SPAG16: variants seen among roughly 807,000 people sequenced by gnomAD.
SPAG16 encodes sperm-associated antigen 16 protein.
Under a neutral mutation model 80.4 loss-of-function variants are expected in SPAG16, and 86 were observed. The ratio of observed to expected loss-of-function variants is 1.07; its 90% CI spans 0.90 to 1.28. The LOEUF (loss-of-function observed/expected upper bound fraction) is 1.28, where lower values mean the gene tolerates loss of function less well. Among genes scored for constraint, SPAG16 ranks in the 50% most tolerant of loss-of-function variants. SPAG16 has a pLI of 0.00. For synonymous variants in SPAG16, 294 were observed against 265.9 expected (o/e 1.11, Z -1.03); for missense variants, 870 against 765.3 (o/e 1.14, Z -1.61).
At chr2:213,764,618 G>C (rs1395529950) in intron 10 of SPAG16, among the ~76,000 whole-genome samples, 5 of 151,888 alleles carry the variant, frequency 3.3e-5, no homozygotes, top group Admixed American at 1.3e-4. Flanking sequence ...TTTCTGGCTG[G>C]CTTTTCTCCG....
intron 10 of SPAG16, among the ~76,000 whole-genome samples, chr2:213,601,305 TGGAAGAGATGGAGG>T: frequency 6.6e-6 from 1 of 152,296 alleles, no homozygotes; most frequent in East Asian, 1.9e-4. Context: ...TCCAGTGTTT[TGGAAGAGATGGAGG>T]GGAGAGAGAC....
intron 12 of SPAG16, among the ~76,000 whole-genome samples, chr2:213,941,762 C>T (rs2079207449): frequency 6.6e-6 from 1 of 152,102 alleles, no homozygotes; most frequent in Admixed American, 6.6e-5. Context: ...TATTCATATA[C>T]TGGCCTCTTC....
chr2:213,982,921 A>T (rs1039299502), intron 12 of SPAG16, among the ~76,000 whole-genome samples: 1 of 152,024 alleles, frequency 6.6e-6, no homozygotes, highest in Non-Finnish European at 1.5e-5. Flanking sequence ...ATTTTAATAA[A>T]TGTTACAATT....
At chr2:213,652,243 T>C (rs557486309) in intron 10 of SPAG16, among the ~76,000 whole-genome samples, 1 of 152,288 alleles carries the variant, frequency 6.6e-6, no homozygotes, top group East Asian at 1.9e-4. Context: ...ATAGTGCTTG[T>C]CTCATTATGT....
intron 15 of SPAG16, among the ~76,000 whole-genome samples, chr2:214,191,326 C>T (rs1024511308): frequency 6.6e-6 from 1 of 152,070 alleles, no homozygotes; most frequent in Non-Finnish European, 1.5e-5. Flanking sequence ...ATTGCCCCTT[C>T]GTTGGTATAC....
Position 213,869,418 on chromosome 2 carries a change from A to G in SPAG16, c.1214+6790A>G, listed in dbSNP as rs189544479. 7.5e-3 allele frequency among the ~76,000 whole-genome samples: 1,128 copies of G among 151,158 alleles called. 9 individuals are homozygous for G. Among genetic ancestry groups the G allele is most frequent in the Non-Finnish European group, 0.012 (834 of 67,752 alleles). On this transcript the variant is annotated intron_variant, in intron 11 of 15. Coordinates refer to ENST00000331683, the MANE Select transcript of SPAG16 (RefSeq NM_024532.5). ...ACAGATATTGATATACTGTCTCTCT[A>G]AAAATTATGATGTCCTCTTTCTTCC...
rs539900795 is a variant in SPAG16, at chr2:214,246,946, G to A, written c.1720+97680G>A. 6.0e-4 allele frequency among the ~76,000 whole-genome samples: 91 copies of A among 152,134 alleles called. 1 individual carries two copies. The Middle Eastern group carries it at 0.017, about 28-fold the overall frequency. The stretch of plus-strand genomic sequence containing the variant: ...ATATGTTAGTTAAGTGCCTTGAATT[G>A]TTTCAGGAAAACATGCTATAACAAT... On this transcript the variant is annotated intron_variant, in intron 15 of 15. Coordinates refer to ENST00000331683, the MANE Select transcript of SPAG16 (RefSeq NM_024532.5).
At chr2:213,756,790 G>A (rs1443717241) in intron 10 of SPAG16, among the ~76,000 whole-genome samples, 1 of 151,820 alleles carries the variant, frequency 6.6e-6, no homozygotes, top group African/African-American at 2.4e-5. Flanking sequence ...TATGAAGAAA[G>A]TAAAGCTTTG....
At chr2:213,333,071 T>A (rs1240911505) in intron 5 of SPAG16, among the ~76,000 whole-genome samples, 1 of 152,060 alleles carries the variant, frequency 6.6e-6, no homozygotes, top group Admixed American at 6.5e-5. Flanking sequence ...AAAGTCAAAT[T>A]ATCCTTGTTT....
At chr2:213,456,343 T>C (rs944235280) in intron 9 of SPAG16, among the ~76,000 whole-genome samples, 21 of 152,340 alleles carry the variant, frequency 1.4e-4, no homozygotes, top group Admixed American at 7.2e-4. Context: ...CTTCCTTGTA[T>C]GTACTTTAAT....
chr2:213,591,325 C>T (rs2060681758), intron 10 of SPAG16, among the ~76,000 whole-genome samples: 1 of 152,110 alleles, frequency 6.6e-6, no homozygotes, highest in African/African-American at 2.4e-5. Context: ...CTTCTAGAAA[C>T]ACTTCTTCAC....
Position 213,604,804 on chromosome 2 carries a change from A to C in SPAG16, c.1070+114714A>C, listed in dbSNP as rs138908349. Among the ~76,000 whole-genome samples the C allele has an allele frequency of 4.3e-3, 649 of 151,826 alleles. 4 individuals are homozygous for C. The highest frequency in any genetic ancestry group is 0.014 in the African/African-American group (599 of 41,482). On this transcript the variant is annotated intron_variant, in intron 10 of 15. Transcript: ENST00000331683. ...CTTCTTCATTTGCTTCAAGAAAAAAACCTAAATTTGTAATATGTACACAAT... is the reference window on the plus strand; with the variant it reads ...CTTCTTCATTTGCTTCAAGAAAAAACCCTAAATTTGTAATATGTACACAAT...
chr2:214,076,634 G>C (rs2051094090), intron 13 of SPAG16, among the ~76,000 whole-genome samples: 1 of 151,746 alleles, frequency 6.6e-6, no homozygotes, highest in Non-Finnish European at 1.5e-5. Context: ...ACAGATGTTT[G>C]ACTACTGAGT....
chr2:214,298,513 A>T (rs1022466045), intron 15 of SPAG16, among the ~76,000 whole-genome samples: 1 of 152,122 alleles, frequency 6.6e-6, no homozygotes, highest in African/African-American at 2.4e-5. Context: ...CCTAAAGGAG[A>T]AAATCAAACA....
chr2:214,366,380 A>G (rs1699482386), intron 15 of SPAG16, among the ~76,000 whole-genome samples: 1 of 152,170 alleles, frequency 6.6e-6, no homozygotes. Flanking sequence ...AGACTTTTCC[A>G]CTATGGAGGA....
intron 15 of SPAG16, among the ~76,000 whole-genome samples, chr2:214,292,193 A>C (rs139486218): frequency 6.6e-6 from 1 of 152,226 alleles, no homozygotes; most frequent in Non-Finnish European, 1.5e-5. Context: ...TTTAATACTG[A>C]CTTTAGATGG....
Position 214,245,095 on chromosome 2 carries a change from T to A in SPAG16, c.1720+95829T>A, listed in dbSNP as rs115762542. 2.1e-3 allele frequency among the ~76,000 whole-genome samples: 318 copies of A among 152,306 alleles called. 4 individuals are homozygous for A. The highest frequency in any genetic ancestry group is 7.3e-3 in the African/African-American group (303 of 41,584). On this transcript the variant is annotated intron_variant, in intron 15 of 15. Coordinates refer to ENST00000331683, the MANE Select transcript of SPAG16 (RefSeq NM_024532.5). ...GAATCTGCATTCTATCTATAAATTA[T>A]GCATGTCTTCAAATAGCACCTATAA...
At chr2:213,694,133 C>T (rs966456106) in intron 10 of SPAG16, among the ~76,000 whole-genome samples, 1 of 151,748 alleles carries the variant, frequency 6.6e-6, no homozygotes, top group African/African-American at 2.4e-5. Flanking sequence ...CCACAGTTTA[C>T]TAGCTTGAGA....
intron 15 of SPAG16, among the ~76,000 whole-genome samples, chr2:214,158,441 C>T (rs901094881): frequency 2.0e-5 from 3 of 151,938 alleles, no homozygotes; most frequent in Non-Finnish European, 4.4e-5. Context: ...GTTATTCTCG[C>T]ATACCTCACA....
Sources: allele counts gnomAD v4.1 joint callset (sites outside exome capture counted in the v4.1 genomes callset), GRCh38; gene constraint gnomAD v4.1.1; transcripts MANE v1.5; gene names NCBI Gene and HGNC (gene_info 2026-07-23, HGNC 2026-07-21).